Variants in AIG1 observed in about 807,000 individuals in gnomAD.
AIG1 encodes the protein androgen-induced gene 1 protein.
Under a neutral mutation model 31.4 loss-of-function variants are expected in AIG1, and 23 were observed. That is an observed-to-expected ratio of 0.73 (90% CI 0.53 to 1.04). The LOEUF is 1.04. Among genes scored for constraint, AIG1 ranks in the 50% least tolerant of loss-of-function variants. The pLI is 0.00. For missense variants in AIG1, 274 were observed against 295.0 expected, an observed-to-expected ratio of 0.93 and a Z score of 0.52; for synonymous variants, 100 against 110.5, an observed-to-expected ratio of 0.90 and a Z score of 0.60.
chr6:143,276,876 G>A (rs1010412179), intron 3 of AIG1, among the ~76,000 whole-genome samples: 7 of 152,026 alleles, frequency 4.6e-5, no homozygotes, highest in Non-Finnish European at 7.4e-5. Flanking sequence ...AAGCTACTTC[G>A]GATGTCATTT....
intron 3 of AIG1, among the ~76,000 whole-genome samples, chr6:143,275,515 C>T (rs1298320190): frequency 2.0e-5 from 3 of 152,292 alleles, no homozygotes; most frequent in East Asian, 3.9e-4. Flanking sequence ...CACCCTCACC[C>T]GTGCAAACCC....
At chr6:143,200,413 C>T (rs547519344) in intron 3 of AIG1, among the ~76,000 whole-genome samples, 1 of 152,232 alleles carries the variant, frequency 6.6e-6, no homozygotes, top group African/African-American at 2.4e-5. Context: ...CTGCCCACCC[C>T]CACTACTGAA....
At chr6:143,283,342 T>C (rs750994998) in intron 3 of AIG1, among the ~76,000 whole-genome samples, 45 of 152,214 alleles carry the variant, frequency 3.0e-4, no homozygotes, top group Non-Finnish European at 5.4e-4. Flanking sequence ...ATTCATGCAC[T>C]ACTGGTCCAA....
chr6:143,312,699 G>A (rs1775395099), intron 4 of AIG1, among the ~76,000 whole-genome samples: 1 of 151,792 alleles, frequency 6.6e-6, no homozygotes, highest in Non-Finnish European at 1.5e-5. Context: ...AGCAAAAAAT[G>A]GACACATAGG....
At chr6:143,148,154 C>T (rs1314052071) in intron 2 of AIG1, among the ~76,000 whole-genome samples, 4 of 151,988 alleles carry the variant, frequency 2.6e-5, no homozygotes, top group South Asian at 2.1e-4. Flanking sequence ...TGTATAATGA[C>T]GTTTTCATCA....
Position 143,061,136 on chromosome 6 carries a change from G to A in AIG1, c.141+70G>A. On this transcript the variant is annotated intron_variant, in intron 1 of 5. Coordinates refer to ENST00000357847, the MANE Select transcript of AIG1 (RefSeq NM_016108.4). ...TGTGTGCGTGTGTGTGTGTGTGTGT[G>A]TGTGTGTGTGTGGATGCGCGAGCAC... The A allele has an allele frequency of 2.6e-6, 4 of 1,561,652 alleles. No individual in the cohort carries two copies. The South Asian group carries it at 4.4e-5, about 17-fold the overall frequency.
chr6:143,323,401 G>GA (rs1384139858), intron 4 of AIG1, among the ~76,000 whole-genome samples: 1 of 151,398 alleles, frequency 6.6e-6, no homozygotes, highest in Non-Finnish European at 1.5e-5. Flanking sequence ...TAGCTCCACT[G>GA]AAAAAAAATT....
At chr6:143,306,381 G>C (rs1397974923) in intron 4 of AIG1, among the ~76,000 whole-genome samples, 1 of 152,066 alleles carries the variant, frequency 6.6e-6, no homozygotes, top group Admixed American at 6.6e-5. Flanking sequence ...TCCTTTCCAT[G>C]TTTAGTGCTT....
intron 1 of AIG1, among the ~76,000 whole-genome samples, chr6:143,067,644 G>C (rs989266227): frequency 6.6e-6 from 1 of 152,110 alleles, no homozygotes; most frequent in African/African-American, 2.4e-5. Context: ...CTTGTCTCTA[G>C]TTCATGACTT....
intron 3 of AIG1, among the ~76,000 whole-genome samples, chr6:143,238,830 T>A (rs780839779): frequency 7.2e-5 from 11 of 152,220 alleles, no homozygotes; most frequent in Non-Finnish European, 1.2e-4. Context: ...AAGTAGGGGA[T>A]AAGATTGCCA....
At chr6:143,166,590 G>C (rs1181711443) in intron 3 of AIG1, among the ~76,000 whole-genome samples, 1 of 152,162 alleles carries the variant, frequency 6.6e-6, no homozygotes, top group Non-Finnish European at 1.5e-5. Flanking sequence ...TAAGCTCCTA[G>C]TGCAAAACAG....
chr6:143,306,002 T>C (rs1025988875), intron 4 of AIG1, among the ~76,000 whole-genome samples: 125 of 150,994 alleles, frequency 8.3e-4, no homozygotes, highest in Non-Finnish European at 1.3e-3. Flanking sequence ...TCTCTTTTGA[T>C]CTTTGTTGGT....
At position 143,327,547 on chromosome 6, in the gene AIG1, A is replaced by G; in HGVS notation, c.516-5735A>G. On this transcript the variant is annotated intron_variant, in intron 4 of 5. Transcript: ENST00000357847. The surrounding 1 kb of genome is among the most constrained non-coding windows in gnomAD (Gnocchi z 5.3). Reference sequence around the variant, plus strand: ...ACTGTAACCATGTGTGGTTGTCCAGAAAATATTCTGAGGATGAAGATTCAC... The same window carrying G: ...ACTGTAACCATGTGTGGTTGTCCAGGAAATATTCTGAGGATGAAGATTCAC... The G allele has an allele frequency of 2.6e-6, 1 of 381,814 alleles. No individual in the cohort carries two copies. The highest frequency in any genetic ancestry group is 5.0e-6 in the Non-Finnish European group (1 of 202,018). The allele number at this position is 381,814 out of a possible 1,614,324, so 23.7% of individuals were successfully genotyped here.
intron 3 of AIG1, among the ~76,000 whole-genome samples, chr6:143,245,883 T>G (rs1369348395): frequency 6.6e-6 from 1 of 152,186 alleles, no homozygotes; most frequent in Non-Finnish European, 1.5e-5. Flanking sequence ...TATGGGTGTG[T>G]GTTCAGGTCA....
At chr6:143,301,010 G>A (rs548933803) in intron 4 of AIG1, among the ~76,000 whole-genome samples, 12 of 152,242 alleles carry the variant, frequency 7.9e-5, no homozygotes, top group African/African-American at 2.9e-4. Flanking sequence ...CCAGGCTAGA[G>A]TGCAGTGGCA....
rs971849644 is a variant in AIG1 at position 143,333,966 on chromosome 6, C to T, written c.679+521C>T. 19 of 1,183,400 alleles carry T rather than the reference C, an allele frequency of 1.6e-5. No homozygotes were observed. Among genetic ancestry groups the T allele is most frequent in the South Asian group, 1.0e-4 (7 of 69,822 alleles). The allele number at this position is 1,183,400 out of a possible 1,614,324, so 73.3% of individuals were successfully genotyped here. Reference sequence around the variant, plus strand: ...CACCTTGACTCACCAGTGGCTGTCACGGAAAGTCTGAAAGTGGCAAAGAGC... The same window carrying T: ...CACCTTGACTCACCAGTGGCTGTCATGGAAAGTCTGAAAGTGGCAAAGAGC... On this transcript the variant is annotated intron_variant, in intron 5 of 5. Coordinates refer to ENST00000357847, the MANE Select transcript of AIG1 (RefSeq NM_016108.4). The surrounding 1 kb of genome is among the most constrained non-coding windows in gnomAD (Gnocchi z 4.6).
chr6:143,120,883 G>A lies in AIG1; in HGVS notation c.142-15952G>A, dbSNP rs550636000. Among the ~76,000 whole-genome samples the A allele has an allele frequency of 4.6e-5, 7 of 152,302 alleles. No individual in the cohort carries two copies. The East Asian group carries it at 7.7e-4, about 17-fold the overall frequency. On this transcript the variant is annotated intron_variant, in intron 1 of 5. Coordinates refer to ENST00000357847, the MANE Select transcript of AIG1 (RefSeq NM_016108.4). The stretch of plus-strand genomic sequence containing the variant: ...CGTGATGCCCATGCTGGAAGGTTGT[G>A]GGTTTACTGGAATGAGGGCAAGGAA...
At chr6:143,271,485 A>T (rs749674820) in intron 3 of AIG1, among the ~76,000 whole-genome samples, 1 of 152,214 alleles carries the variant, frequency 6.6e-6, no homozygotes, top group Non-Finnish European at 1.5e-5. Context: ...AATTGCTCTT[A>T]TTGCTGCTAG....
At chr6:143,209,881 G>T (rs1015986829) in intron 3 of AIG1, among the ~76,000 whole-genome samples, 1 of 152,108 alleles carries the variant, frequency 6.6e-6, no homozygotes. Flanking sequence ...ACTCAAGAAC[G>T]TCTCTTCTAG....
Sources: allele counts gnomAD v4.1 joint callset (sites outside exome capture counted in the v4.1 genomes callset), GRCh38; gene constraint gnomAD v4.1.1; non-coding constraint Gnocchi (gnomAD v3.1); transcripts MANE v1.5; gene names NCBI Gene and HGNC (gene_info 2026-07-23, HGNC 2026-07-21).